MACF1: variants seen among roughly 807,000 people sequenced by gnomAD.
The protein encoded by MACF1 is microtubule actin crosslinking factor 1.
MACF1 carries 193 observed loss-of-function variants against 854.8 expected under a neutral mutation model. The ratio of observed to expected loss-of-function variants is 0.23; its 90% CI spans 0.20 to 0.25. The LOEUF (loss-of-function observed/expected upper bound fraction) is 0.25. Among genes scored for constraint, MACF1 ranks in the 10% least tolerant of loss-of-function variants. The probability of loss-of-function intolerance (pLI) is 1.00; values close to 1 mark genes in which losing one functional copy is unlikely to be tolerated. For missense variants in MACF1, 7,722 were observed against 8,929.1 expected (o/e 0.86, Z 5.45); for synonymous variants, 3,185 against 3,226.7 (o/e 0.99, Z 0.44).
intron 82 of MACF1, 41 bp downstream of exon 82, chr1:39,447,939 T>C: frequency 6.2e-7 from 1 of 1,612,320 alleles, no homozygotes; most frequent in Non-Finnish European, 8.5e-7. Flanking sequence ...TGAAGAGTCT[T>C]GGGCTGCATG....
intron 84 of MACF1, among the ~76,000 whole-genome samples, chr1:39,450,159 G>A (rs533518569): frequency 6.6e-6 from 1 of 152,128 alleles, no homozygotes; most frequent in Admixed American, 6.5e-5. Flanking sequence ...ACCACGCCCA[G>A]CCATTGTTTT....
chr1:39,287,166 G>T, intron 14 of MACF1, 120 bp from the exon 15 acceptor site: 1 of 1,104,784 alleles, frequency 9.1e-7, no homozygotes, highest in Non-Finnish European at 1.3e-6. Context: ...TCACCATGTT[G>T]TCTAGGCTGG....
chr1:39,336,796 C>A, intron 37 of MACF1, 143 bp downstream of exon 37: 1 of 819,638 alleles, frequency 1.2e-6, no homozygotes, highest in Non-Finnish European at 1.8e-6. Flanking sequence ...TAAGATATAA[C>A]TTAGTTTATC....
Position 39,480,945 on chromosome 1 carries a change from A to G in MACF1, c.22196A>G (p.Tyr7399Cys). ...TKTSLQFSRCYDKPWLVNSKA... is the reference protein window; with the variant it reads ...TKTSLQFSRCCDKPWLVNSKA... ...ACTTCACTTCAGTTCTCTCGCTGTT[A>G]TGACAAACCCTGGTTGGTAAACAGT... Residue 7399 changes from tyrosine (Y) to cysteine (C), a missense_variant, in exon 99 of 101, where the codon TAT becomes TGT. Tyr to Cys is a radical substitution (Grantham distance 194). Around this residue, in one of 15 missense-constraint regions of MACF1, gnomAD observed 185 missense variants for 225.7 expected, o/e 0.82. Transcript: ENST00000564288. 3.9e-6 allele frequency: 6 copies of G among 1,550,418 alleles called. No individual in the cohort carries two copies. The highest frequency in any genetic ancestry group is 2.4e-5 in the East Asian group (1 of 40,910).
In MACF1 at chr1:39,357,521, A is replaced by G; in HGVS notation, c.11571A>G (p.Gln3857=). 3 of 1,614,180 alleles carry G rather than the reference A, an allele frequency of 1.9e-6. No individual in the cohort carries two copies. Among genetic ancestry groups the G allele is most frequent in the South Asian group, 1.1e-5 (1 of 91,082 alleles). Residue 3857 remains glutamine, a synonymous_variant, in exon 45 of 101, where the codon CAA becomes CAG. Transcript: ENST00000564288. ...AGAAGCTGGGAGAGCTAAAGGAACA[A>G]TACTCTACTTCCCTGGCCCAATCAG... ...LQQKLGELKE[Q]YSTSLAQSEA...
At chr1:39,194,148 A>C (rs1211718233) in intron 2 of MACF1, among the ~76,000 whole-genome samples, 1 of 151,840 alleles carries the variant, frequency 6.6e-6, no homozygotes. Context: ...TGAGTTTTCT[A>C]AGTGCTGTAC....
intron 2 of MACF1, among the ~76,000 whole-genome samples, chr1:39,100,347 AG>A (rs1642038180): frequency 1.3e-5 from 2 of 152,304 alleles, no homozygotes; most frequent in African/African-American, 4.8e-5. Context: ...GTCTGATTAT[AG>A]GGAAAGGAGG....
rs1398141783 is a variant in MACF1 at position 39,332,293 on chromosome 1, A to C, written c.5705A>C (p.Lys1902Thr). The change falls in exon 37 of 101, where the codon AAA becomes ACA. Residue 1902 changes from lysine to threonine, a missense_variant. Lys to Thr is a moderately conservative substitution (Grantham distance 78). Coordinates refer to ENST00000564288, the MANE Select transcript of MACF1 (RefSeq NM_001394062.1). ...PATTEILSWK[K>T]AIESGILDRD... is the part of the protein sequence containing the mutation. ...ACCACAGAGATTTTGTCCTGGAAGA[A>C]AGCAATAGAAAGTGGTATCCTGGAT... The C allele has an allele frequency of 6.2e-7, 1 of 1,613,810 alleles. No homozygotes were observed. The highest frequency in any genetic ancestry group is 2.2e-5 in the East Asian group (1 of 44,898).
At chr1:39,128,947 C>G (rs1642929431) in intron 2 of MACF1, among the ~76,000 whole-genome samples, 1 of 152,196 alleles carries the variant, frequency 6.6e-6, no homozygotes, top group African/African-American at 2.4e-5. Flanking sequence ...TTTAACTTAT[C>G]ACACATTTGC....
chr1:39,415,309 C>T (rs984627560), intron 58 of MACF1, among the ~76,000 whole-genome samples: 4 of 151,408 alleles, frequency 2.6e-5, no homozygotes, highest in African/African-American at 9.7e-5. Context: ...CCTCTTGGGT[C>T]TCTCTTGGCT....
intron 58 of MACF1, among the ~76,000 whole-genome samples, chr1:39,402,383 G>T (rs1642512846): frequency 6.6e-6 from 1 of 152,150 alleles, no homozygotes; most frequent in Admixed American, 6.5e-5. Flanking sequence ...GCCAGGTTGA[G>T]GCCCATGACC....
At chr1:39,186,453 C>T (rs1644175766) in intron 2 of MACF1, among the ~76,000 whole-genome samples, 1 of 151,558 alleles carries the variant, frequency 6.6e-6, no homozygotes, top group Admixed American at 6.6e-5. Context: ...TTTTTAGGGG[C>T]TCACCTATAG....
chr1:39,418,839 G>A (rs1242512211), intron 58 of MACF1, among the ~76,000 whole-genome samples: 1 of 151,832 alleles, frequency 6.6e-6, no homozygotes, highest in Non-Finnish European at 1.5e-5. Context: ...CTCCAGCCTG[G>A]GCAACAGTGT....
chr1:39,228,741 C>T (rs79412079), intron 1 of MACF1, among the ~76,000 whole-genome samples: 3 of 152,220 alleles, frequency 2.0e-5, no homozygotes, highest in Admixed American at 2.0e-4. Flanking sequence ...GCAACCTCCG[C>T]CTCCTGGGTT....
In MACF1 at chr1:39,336,385, T is replaced by C. The variant is rs572758883; in HGVS notation, c.9797T>C (p.Val3266Ala). ...ATAGTGACTCAGAGAGGTTCCAGAG[T>C]CTTGGGATCCTTTCTTCCAGAGAAA... is the stretch of plus-strand genomic sequence containing the variant. ...EDIVTQRGSR[V>A]LGSFLPEKLF... Residue 3266 changes from valine (V) to alanine (A), a missense_variant, in exon 37 of 101, where the codon GTC becomes GCC. Around this residue, in one of 15 missense-constraint regions of MACF1, gnomAD observed 854 missense variants for 852.6 expected, o/e 1.00. Transcript: ENST00000564288. The C allele has an allele frequency of 6.9e-5, 111 of 1,614,082 alleles. No homozygotes were observed. The South Asian group carries it at 9.8e-4, about 14-fold the overall frequency.
In MACF1 at chr1:39,324,348, G is replaced by C. The variant is rs1027306420; in HGVS notation, c.4389+3G>C. On this transcript the variant is annotated splice_donor_region_variant and intron_variant, in intron 34 of 100. Coordinates refer to ENST00000564288, the MANE Select transcript of MACF1 (RefSeq NM_001394062.1). ...AAAAAGCTATTTTGGAACAGCAGGT[G>C]AGAAGAAGGTCCATCTCTGTTTACC... The C allele has an allele frequency of 5.6e-6, 9 of 1,613,118 alleles. No individual in the cohort carries two copies. In the African/African-American group the frequency reaches 1.2e-4, roughly 22 times the overall value.
chr1:39,461,668 T>C (rs948999859), intron 92 of MACF1, among the ~76,000 whole-genome samples: 7 of 151,968 alleles, frequency 4.6e-5, no homozygotes, highest in Non-Finnish European at 7.4e-5. Context: ...GACAGGCGCT[T>C]GTATTCCCAG....
At chr1:39,289,555 T>C (rs1645724804) in intron 15 of MACF1, among the ~76,000 whole-genome samples, 1 of 152,152 alleles carries the variant, frequency 6.6e-6, no homozygotes, top group East Asian at 1.9e-4. Context: ...GAAATATCTA[T>C]TCAAATCTTT....
intron 2 of MACF1, among the ~76,000 whole-genome samples, chr1:39,091,448 G>A (rs1311898363): frequency 6.6e-6 from 1 of 152,148 alleles, no homozygotes; most frequent in Admixed American, 6.5e-5. Context: ...GATTAAATAA[G>A]GTAGTTGGGA....
Sources: gnomAD v4.1 joint callset for allele counts (sites outside exome capture counted in the v4.1 genomes callset) on GRCh38, gnomAD v4.1.1 for gene constraint, gnomAD v4.1.1 regional missense constraint, MANE v1.5 for transcripts, NCBI Gene and HGNC (gene_info 2026-07-23, HGNC 2026-07-21) for gene names.